ITSN2: variants seen among roughly 807,000 people sequenced by gnomAD.
ITSN2 encodes intersectin-2.
In ITSN2, 156 loss-of-function variants were observed where a neutral mutation model predicts 243.7. The ratio of observed to expected loss-of-function variants is 0.64; its 90% CI spans 0.56 to 0.73. The LOEUF is 0.73. ITSN2 is among the 30% of genes least tolerant of loss of function. The pLI is 0.00. For synonymous variants in ITSN2, 703 were observed against 699.9 expected, an observed-to-expected ratio of 1.00 and a Z score of -0.07; for missense variants, 1,801 against 1,996.1, an observed-to-expected ratio of 0.90 and a Z score of 1.86.
chr2:24,315,227 G>T lies in ITSN2; in HGVS notation c.32-3C>A. On this transcript the variant is annotated splice_polypyrimidine_tract_variant and splice_region_variant and intron_variant, in intron 2 of 39. Coordinates refer to ENST00000355123, the MANE Select transcript of ITSN2 (RefSeq NM_006277.3). ...AATAGCCCACATGTTTGGCCCTCCTGAAACATAAGTGGAAGAAACTATAGT... is the reference window on the plus strand; with the variant it reads ...AATAGCCCACATGTTTGGCCCTCCTTAAACATAAGTGGAAGAAACTATAGT... 6.3e-7 allele frequency: 1 copy of T among 1,585,016 alleles called. No homozygotes were observed. Among genetic ancestry groups the T allele is most frequent in the Non-Finnish European group, 8.6e-7 (1 of 1,156,316 alleles).
chr2:24,285,284 T>C (rs1036957293), intron 16 of ITSN2, among the ~76,000 whole-genome samples: 14 of 152,174 alleles, frequency 9.2e-5, no homozygotes, highest in Non-Finnish European at 1.9e-4. Context: ...TTCTATAAAA[T>C]TTTTTTCTAC....
chr2:24,295,498 G>A (rs186124127), intron 14 of ITSN2, among the ~76,000 whole-genome samples, 166 bp downstream of exon 14: 3 of 152,186 alleles, frequency 2.0e-5, no homozygotes, highest in Admixed American at 1.3e-4. Context: ...TAGTAGAGAC[G>A]GGGTTTTGCC....
At chr2:24,293,600 CTTT>C (rs772598423) in intron 15 of ITSN2, 85 bp downstream of exon 15, 298 of 543,538 alleles carry the variant, frequency 5.5e-4, no homozygotes, top group Non-Finnish European at 7.7e-4. Context: ...TAACAGAATA[CTTT>C]TTTTAATTTT....
In ITSN2 at chr2:24,231,861, G is replaced by A. The variant is rs186540476; in HGVS notation, c.3578-10795C>T. On this transcript the variant is annotated intron_variant, in intron 29 of 39. Coordinates refer to ENST00000355123, the MANE Select transcript of ITSN2 (RefSeq NM_006277.3). The stretch of plus-strand genomic sequence containing the variant: ...CTATTCTCTGTGTGCCCACTTATGC[G>A]GCCAGAGTATCACATAATGGTTTCC... Among the ~76,000 whole-genome samples, 28 of 152,238 alleles carry A rather than the reference G, an allele frequency of 1.8e-4. No homozygotes were observed. In the East Asian group the frequency reaches 4.6e-3, roughly 25 times the overall value.
Position 24,298,721 on chromosome 2 carries a change from C to G in ITSN2, c.1438G>C (p.Glu480Gln), listed in dbSNP as rs760002580. Residue 480 changes from glutamate to glutamine, a missense_variant, in exon 13 of 40, where the codon GAA becomes CAA. Physicochemically the swap from Glu to Gln is conservative, Grantham distance 29. Transcript: ENST00000355123. ...LLNQKNREQE[E>Q]IVRLNSKKKN... Reference sequence around the variant, plus strand: ...TTTTTAGAGTTTAACCTGACAATTTCTTCTTGTTCTCTATTCTTTTGATTG... The same window carrying G: ...TTTTTAGAGTTTAACCTGACAATTTGTTCTTGTTCTCTATTCTTTTGATTG... 1 of 1,612,544 alleles carries G rather than the reference C, an allele frequency of 6.2e-7. No individual in the cohort carries two copies. Among genetic ancestry groups the G allele is most frequent in the African/African-American group, 1.3e-5 (1 of 74,750 alleles).
chr2:24,278,758 TCTC>T (rs1678369531), intron 17 of ITSN2, among the ~76,000 whole-genome samples: 2 of 151,362 alleles, frequency 1.3e-5, no homozygotes, highest in South Asian at 4.2e-4. Flanking sequence ...TTCAAGCAAT[TCTC>T]CTGCCTCAGC....
intron 8 of ITSN2, among the ~76,000 whole-genome samples, chr2:24,306,925 C>A (rs1279026519): frequency 2.0e-5 from 3 of 152,028 alleles, no homozygotes; most frequent in African/African-American, 7.3e-5. Flanking sequence ...CCTGCCTCAG[C>A]CTCCAGAGTA....
At chr2:24,301,852 A>C in intron 10 of ITSN2, 113 bp downstream of exon 10, 1 of 1,044,156 alleles carries the variant, frequency 9.6e-7, no homozygotes, top group Non-Finnish European at 1.4e-6. Flanking sequence ...TACCCTTTTC[A>C]AGTATAACTT....
intron 29 of ITSN2, among the ~76,000 whole-genome samples, chr2:24,228,489 T>C (rs936676930): frequency 6.6e-6 from 1 of 152,140 alleles, no homozygotes; most frequent in Admixed American, 6.5e-5. Context: ...TTGGCAGGTA[T>C]AAATACAAGG....
intron 2 of ITSN2, chr2:24,326,679 G>C (rs1436896191): frequency 5.9e-6 from 1 of 168,930 alleles, no homozygotes; most frequent in Non-Finnish European, 1.5e-5. Flanking sequence ...TAAATAATAG[G>C]TTCTGAAAAG....
intron 29 of ITSN2, among the ~76,000 whole-genome samples, chr2:24,243,520 C>G (rs372745242): frequency 2.6e-5 from 4 of 152,138 alleles, no homozygotes; most frequent in East Asian, 3.9e-4. Flanking sequence ...GAGACAGGGT[C>G]TCACTCTGTT....
intron 24 of ITSN2, among the ~76,000 whole-genome samples, chr2:24,253,456 C>T (rs1362308871): frequency 6.6e-6 from 1 of 152,238 alleles, no homozygotes; most frequent in African/African-American, 2.4e-5. Context: ...TCACTGGTGA[C>T]ATGACGTTCC....
chr2:24,306,245 G>A (rs886516264), intron 8 of ITSN2, among the ~76,000 whole-genome samples: 2 of 152,110 alleles, frequency 1.3e-5, no homozygotes, highest in African/African-American at 4.8e-5. Flanking sequence ...CTCCCAAAAT[G>A]TTGGAATTAC....
chr2:24,313,684 T>G (rs1049091580), intron 3 of ITSN2, among the ~76,000 whole-genome samples, 161 bp from the exon 4 acceptor site: 3 of 152,190 alleles, frequency 2.0e-5, no homozygotes, highest in African/African-American at 7.2e-5. Context: ...TTTACATAAC[T>G]TTAATAAGAC....
chr2:24,305,576 C>CAAAAAAAA (rs537945691), intron 8 of ITSN2, among the ~76,000 whole-genome samples: 1 of 40,880 alleles, frequency 2.4e-5, no homozygotes, highest in African/African-American at 5.6e-5. Flanking sequence ...GACTCTGTCT[C>CAAAAAAAA]AAAAAAAAAA....
intron 8 of ITSN2, 59 bp from the exon 9 acceptor site, chr2:24,303,921 C>T: frequency 1.8e-6 from 2 of 1,122,000 alleles, no homozygotes; most frequent in African/African-American, 3.1e-5. Context: ...TTATGCATAA[C>T]AAATTAGCTG....
chr2:24,302,133 TAA>T, intron 9 of ITSN2, 31 bp from the exon 10 acceptor site: 1 of 1,547,472 alleles, frequency 6.5e-7, no homozygotes, highest in Non-Finnish European at 8.8e-7. Context: ...CACAACTTAA[TAA>T]AGTCTATTTG....
chr2:24,325,714 C>A (rs1481743792), intron 2 of ITSN2, among the ~76,000 whole-genome samples: 1 of 152,186 alleles, frequency 6.6e-6, no homozygotes, highest in Non-Finnish European at 1.5e-5. Context: ...CATTAAAATT[C>A]TATCCGCTTC....
chr2:24,276,536 C>T (rs1011087334), intron 17 of ITSN2, among the ~76,000 whole-genome samples: 12 of 152,206 alleles, frequency 7.9e-5, no homozygotes, highest in Non-Finnish European at 5.9e-5. Flanking sequence ...ACATGCAGGG[C>T]AGAGGTAAAT....
Sources: gnomAD v4.1 joint callset for allele counts (sites outside exome capture counted in the v4.1 genomes callset) on GRCh38, gnomAD v4.1.1 for gene constraint, MANE v1.5 for transcripts, NCBI Gene and HGNC (gene_info 2026-07-23, HGNC 2026-07-21) for gene names.